The following KPNA3 variants were observed in gnomAD, a reference collection of about 807,000 sequenced individuals.
The protein encoded by KPNA3 is importin subunit alpha-4.
KPNA3 carries 13 observed loss-of-function variants against 73.8 expected under a neutral mutation model. That is an observed-to-expected ratio of 0.18 (90% CI 0.11 to 0.28). The LOEUF (loss-of-function observed/expected upper bound fraction) is 0.28. Ranked by LOEUF, KPNA3 falls within the 10% of genes least tolerant of loss-of-function variation. The pLI, the probability that KPNA3 is intolerant of heterozygous loss-of-function variation, is 1.00. For missense variants in KPNA3, 360 were observed against 618.1 expected (o/e 0.58, Z 4.43); for synonymous variants, 186 against 206.9 (o/e 0.90, Z 0.87).
At chr13:49,739,765 T>C (rs896964697) in intron 2 of KPNA3, among the ~76,000 whole-genome samples, 1 of 152,030 alleles carries the variant, frequency 6.6e-6, no homozygotes, top group Non-Finnish European at 1.5e-5. Context: ...CAAAAAAAGG[T>C]GGGGAGGTGA....
At chr13:49,701,933 A>G (rs1390231526) in intron 16 of KPNA3, 35 bp from the exon 17 acceptor site, 1 of 1,359,886 alleles carries the variant, frequency 7.4e-7, no homozygotes, top group Admixed American at 1.7e-5. Context: ...TTATTAGGTT[A>G]TGATACTATA....
intron 12 of KPNA3, among the ~76,000 whole-genome samples, chr13:49,708,979 G>A (rs1407439): frequency 0.2 from 30,803 of 152,100 alleles, 3,691 homozygotes; most frequent in Middle Eastern, 0.3. Flanking sequence ...GGCAGATTTT[G>A]TCTGCACTTT....
intron 1 of KPNA3, among the ~76,000 whole-genome samples, chr13:49,761,707 G>A (rs1204290734): frequency 6.6e-6 from 1 of 152,116 alleles, no homozygotes; most frequent in Non-Finnish European, 1.5e-5. Flanking sequence ...CCCATCGTCT[G>A]GGATGTGAGG....
chr13:49,705,649 T>G lies in KPNA3; in HGVS notation c.1344A>C (p.Thr448=). Residue 448 remains threonine (T), a synonymous_variant, in exon 15 of 17, where the codon ACA becomes ACC. Coordinates refer to ENST00000261667, the MANE Select transcript of KPNA3 (RefSeq NM_002267.4). The part of the protein sequence containing the change: ...ILIMAGDEAS[T]IAEIIEECGG... ...CACATTCCTCTATTATTTCAGCTATTGTGCTTGCTTCATCACCGGCCATTA... is the reference window on the plus strand; with the variant it reads ...CACATTCCTCTATTATTTCAGCTATGGTGCTTGCTTCATCACCGGCCATTA... 1.2e-6 allele frequency: 2 copies of G among 1,614,138 alleles called. No homozygotes were observed. Among genetic ancestry groups the G allele is most frequent in the Non-Finnish European group, 8.5e-7 (1 of 1,180,026 alleles).
At chr13:49,784,154 C>G (rs1448071410) in intron 1 of KPNA3, among the ~76,000 whole-genome samples, 1 of 152,092 alleles carries the variant, frequency 6.6e-6, no homozygotes, top group Non-Finnish European at 1.5e-5. Flanking sequence ...GACGCTGAGG[C>G]AGGAGGATCG....
intron 10 of KPNA3, among the ~76,000 whole-genome samples, chr13:49,715,107 G>C (rs1167564180): frequency 6.6e-6 from 1 of 151,566 alleles, no homozygotes; most frequent in African/African-American, 2.4e-5. Flanking sequence ...ACCCAAAAAA[G>C]GAATGTATAG....
rs1259968755 is a variant in KPNA3 at position 49,792,280 on chromosome 13, C to T, written c.69+158G>A. 2.6e-5 allele frequency among the ~76,000 whole-genome samples: 4 copies of T among 151,194 alleles called. No individual in the cohort carries two copies. In the East Asian group the frequency reaches 7.8e-4, roughly 29 times the overall value. Reference sequence around the variant, plus strand: ...CTGCAGCCCGGCCGGCGTCTCGCCGCCCGCTCCGCCCAGCCCGGGGCCGCG... The same window carrying T: ...CTGCAGCCCGGCCGGCGTCTCGCCGTCCGCTCCGCCCAGCCCGGGGCCGCG... On this transcript the variant is annotated intron_variant, in intron 1 of 16. Coordinates refer to ENST00000261667, the MANE Select transcript of KPNA3 (RefSeq NM_002267.4).
At position 49,706,177 on chromosome 13, in the gene KPNA3, T is replaced by C; in HGVS notation, c.1138-8A>G. 1 of 1,613,344 alleles carries C rather than the reference T, an allele frequency of 6.2e-7. No homozygotes were observed. Among genetic ancestry groups the C allele is most frequent in the Non-Finnish European group, 8.5e-7 (1 of 1,179,800 alleles). ...TTGTGTTCCAAAGTCCCCCTGAAGG[T>C]TAAAAATGAGATCATAAAATGGACT... On this transcript the variant is annotated splice_region_variant and splice_polypyrimidine_tract_variant and intron_variant, in intron 13 of 16. Coordinates refer to ENST00000261667, the MANE Select transcript of KPNA3 (RefSeq NM_002267.4).
At chr13:49,744,443 T>A (rs1954599533) in intron 2 of KPNA3, among the ~76,000 whole-genome samples, 1 of 152,228 alleles carries the variant, frequency 6.6e-6, no homozygotes, top group Non-Finnish European at 1.5e-5. Flanking sequence ...TGTTTATTAA[T>A]ATACAAAATG....
intron 2 of KPNA3, among the ~76,000 whole-genome samples, chr13:49,734,834 A>T (rs1954504711): frequency 6.6e-6 from 1 of 152,028 alleles, no homozygotes; most frequent in Admixed American, 6.6e-5. Context: ...TTCATTACTA[A>T]GAAAATCTCC....
chr13:49,728,210 G>A (rs1254758981), intron 6 of KPNA3, among the ~76,000 whole-genome samples: 1 of 151,146 alleles, frequency 6.6e-6, no homozygotes, highest in Non-Finnish European at 1.5e-5. Flanking sequence ...ACTCCAGCCT[G>A]GGCGACAGAG....
intron 1 of KPNA3, among the ~76,000 whole-genome samples, chr13:49,782,125 G>C (rs923981811): frequency 3.9e-5 from 6 of 152,102 alleles, no homozygotes; most frequent in Admixed American, 3.9e-4. Flanking sequence ...ATTAATCAGA[G>C]GCAGGAGCAC....
intron 1 of KPNA3, among the ~76,000 whole-genome samples, chr13:49,788,265 A>G (rs920670431): frequency 6.6e-6 from 1 of 152,380 alleles, no homozygotes; most frequent in South Asian, 2.1e-4. Context: ...TACAGCAGCA[A>G]GAAAATGAGT....
intron 1 of KPNA3, among the ~76,000 whole-genome samples, chr13:49,786,555 T>C (rs1954983943): frequency 6.6e-6 from 1 of 152,176 alleles, no homozygotes; most frequent in Non-Finnish European, 1.5e-5. Context: ...AATCTTGGTG[T>C]TCCAGAGATA....
intron 10 of KPNA3, among the ~76,000 whole-genome samples, chr13:49,717,992 A>AT (rs973821426): frequency 5.4e-4 from 80 of 148,988 alleles, no homozygotes; most frequent in African/African-American, 1.7e-3. Flanking sequence ...TTATGGTATG[A>AT]TTTTTTTTTT....
chr13:49,726,548 C>A (rs1403508781), intron 6 of KPNA3, among the ~76,000 whole-genome samples: 1 of 151,946 alleles, frequency 6.6e-6, no homozygotes, highest in Non-Finnish European at 1.5e-5. Flanking sequence ...GTGTATTCTA[C>A]AGATATGCTA....
intron 6 of KPNA3, among the ~76,000 whole-genome samples, chr13:49,731,002 G>C (rs959805497): frequency 6.6e-6 from 1 of 151,184 alleles, no homozygotes; most frequent in Non-Finnish European, 1.5e-5. Context: ...GGATGGTCTC[G>C]ATCTCCTGAC....
intron 1 of KPNA3, among the ~76,000 whole-genome samples, chr13:49,761,865 G>A (rs1457601328): frequency 6.6e-6 from 1 of 151,708 alleles, no homozygotes; most frequent in Non-Finnish European, 1.5e-5. Context: ...CGTCTGGGAT[G>A]TGAGGAGCGC....
intron 10 of KPNA3, among the ~76,000 whole-genome samples, chr13:49,717,255 T>A (rs1045207573): frequency 1.3e-5 from 2 of 151,980 alleles, no homozygotes; most frequent in African/African-American, 4.8e-5. Context: ...AACTCTTTAA[T>A]ATAGAATCAA....
Sources: gnomAD v4.1 joint callset for allele counts (sites outside exome capture counted in the v4.1 genomes callset) on GRCh38, gnomAD v4.1.1 for gene constraint, MANE v1.5 for transcripts, NCBI Gene and HGNC (gene_info 2026-07-23, HGNC 2026-07-21) for gene names.